SLC18A2: variants seen among roughly 807,000 people sequenced by gnomAD.
The protein encoded by SLC18A2 is solute carrier family 18 member A2.
A neutral mutation model predicts 59.2 loss-of-function variants in SLC18A2; 33 were observed. The ratio of observed to expected loss-of-function variants is 0.56; its 90% CI spans 0.42 to 0.75. The LOEUF is 0.75. Among genes scored for constraint, SLC18A2 ranks in the 30% least tolerant of loss-of-function variants. The pLI, the probability that SLC18A2 is intolerant of heterozygous loss-of-function variation, is 0.00. For missense variants in SLC18A2, 569 were observed against 668.6 expected, an observed-to-expected ratio of 0.85 and a Z score of 1.64; for synonymous variants, 228 against 253.5, an observed-to-expected ratio of 0.90 and a Z score of 0.95.
intron 6 of SLC18A2, 98 bp downstream of exon 6, chr10:117,254,595 G>T (rs1844204833): frequency 1.5e-6 from 1 of 661,266 alleles, no homozygotes; most frequent in Admixed American, 3.1e-5. Flanking sequence ...AGTTTGCACT[G>T]ACACAGAGGT....
intron 3 of SLC18A2, among the ~76,000 whole-genome samples, chr10:117,246,430 C>T (rs893139483): frequency 3.9e-5 from 6 of 152,300 alleles, no homozygotes; most frequent in Admixed American, 3.3e-4. Context: ...TTAAATACTC[C>T]AACGGCTTTG....
intron 4 of SLC18A2, 131 bp from the exon 5 acceptor site, chr10:117,253,917 G>T: frequency 2.6e-6 from 2 of 784,262 alleles, no homozygotes; most frequent in Non-Finnish European, 4.2e-6. Flanking sequence ...AGCTTTTTAC[G>T]GAACAAAAGC....
At chr10:117,265,050 C>G (rs1425532539) in intron 10 of SLC18A2, among the ~76,000 whole-genome samples, 1 of 152,182 alleles carries the variant, frequency 6.6e-6, no homozygotes, top group Non-Finnish European at 1.5e-5. Context: ...GTGCTGGGCA[C>G]GTGGCTGTCA....
intron 3 of SLC18A2, among the ~76,000 whole-genome samples, chr10:117,249,320 C>G (rs796636397): frequency 6.6e-6 from 1 of 152,228 alleles, no homozygotes; most frequent in African/African-American, 2.4e-5. Flanking sequence ...ACAGGGCTCA[C>G]GCCCAGGAAA....
chr10:117,247,169 C>G (rs1844118387), intron 3 of SLC18A2, among the ~76,000 whole-genome samples: 1 of 152,188 alleles, frequency 6.6e-6, no homozygotes, highest in African/African-American at 2.4e-5. Flanking sequence ...TGCAAACAGT[C>G]TTTTGATGTA....
chr10:117,255,212 A>G (rs1844214574), intron 6 of SLC18A2, 65 bp from the exon 7 acceptor site: 3 of 1,408,630 alleles, frequency 2.1e-6, no homozygotes, highest in African/African-American at 1.4e-5. Flanking sequence ...AGTCAAATAG[A>G]TGGTTCTAGT....
At chr10:117,272,977 G>A (rs363231) in intron 15 of SLC18A2, among the ~76,000 whole-genome samples, 5,954 of 152,292 alleles carry the variant, frequency 0.039, 162 homozygotes, top group South Asian at 0.082. Flanking sequence ...AAGTGCTGGC[G>A]TTCAGGATGA....
At position 117,269,033 on chromosome 10, in the gene SLC18A2, C is replaced by T. The variant is rs980554620; in HGVS notation, c.1187-1038C>T. Among the ~76,000 whole-genome samples the T allele has an allele frequency of 6.7e-6, 1 of 148,818 alleles. No homozygotes were observed. Among genetic ancestry groups the T allele is most frequent in the Non-Finnish European group, 1.5e-5 (1 of 66,998 alleles). ...ACACACTGACACACGCATACACACACACATACACACATACACCCCCCACAT... is the reference window on the plus strand; with the variant it reads ...ACACACTGACACACGCATACACACATACATACACACATACACCCCCCACAT... On this transcript the variant is annotated intron_variant, in intron 13 of 15. Transcript: ENST00000644641. The surrounding 1 kb of genome is among the most constrained non-coding windows in gnomAD (Gnocchi z 5.1).
intron 3 of SLC18A2, among the ~76,000 whole-genome samples, chr10:117,244,578 T>A (rs937830501): frequency 3.3e-5 from 5 of 152,258 alleles, no homozygotes; most frequent in East Asian, 1.9e-4. Context: ...GTGGGAGGAC[T>A]TTGGCCTGTC....
At chr10:117,245,808 CA>C (rs1350114897) in intron 3 of SLC18A2, among the ~76,000 whole-genome samples, 1 of 152,028 alleles carries the variant, frequency 6.6e-6, no homozygotes, top group African/African-American at 2.4e-5. Context: ...GCCTTGGACA[CA>C]TGGAGCTTGA....
At chr10:117,252,897 C>T (rs1346607792) in intron 3 of SLC18A2, among the ~76,000 whole-genome samples, 1 of 152,170 alleles carries the variant, frequency 6.6e-6, no homozygotes, top group East Asian at 1.9e-4. Flanking sequence ...AAATTTTGCA[C>T]AGAAAATGAG....
At position 117,277,221 on chromosome 10, in the gene SLC18A2, C is replaced by A. The variant is rs766605868; in HGVS notation, c.1500C>A (p.Ile500=). Residue 500 remains isoleucine (I), a synonymous_variant, in exon 16 of 16, where the codon ATC becomes ATA. Coordinates refer to ENST00000644641, the MANE Select transcript of SLC18A2 (RefSeq NM_003054.6). ...IKTKMYTQNN[I]QSYPIGEDEE... is the part of the protein sequence containing the mutation. ...CAAAAATGTACACTCAGAATAATATCCAGTCATATCCGATAGGTGAAGATG... is the reference window on the plus strand; with the variant it reads ...CAAAAATGTACACTCAGAATAATATACAGTCATATCCGATAGGTGAAGATG... 8.1e-6 allele frequency: 13 copies of A among 1,611,450 alleles called. No homozygotes were observed. In the South Asian group the frequency reaches 1.4e-4, roughly 18 times the overall value.
chr10:117,271,209 T>C (rs1320081157), intron 15 of SLC18A2, among the ~76,000 whole-genome samples: 1 of 152,224 alleles, frequency 6.6e-6, no homozygotes, highest in Non-Finnish European at 1.5e-5. Context: ...TGCTGATAGG[T>C]ACTTGTCCAG....
At chr10:117,258,351 C>T (rs971443857) in intron 10 of SLC18A2, among the ~76,000 whole-genome samples, 1 of 152,196 alleles carries the variant, frequency 6.6e-6, no homozygotes, top group Non-Finnish European at 1.5e-5. Flanking sequence ...CTTTCTCCCT[C>T]CCCCAGCCCA....
chr10:117,248,158 G>A (rs1485747894), intron 3 of SLC18A2, among the ~76,000 whole-genome samples: 1 of 151,920 alleles, frequency 6.6e-6, no homozygotes, highest in African/African-American at 2.4e-5. Flanking sequence ...TAGAGATGGG[G>A]TTTCAGCATT....
At chr10:117,253,535 A>G (rs1409900336) in intron 4 of SLC18A2, 78 bp downstream of exon 4, 1 of 367,702 alleles carries the variant, frequency 2.7e-6, no homozygotes, top group Non-Finnish European at 5.2e-6. Context: ...GGAATTAACA[A>G]TACAACCTAA....
At chr10:117,270,489 G>A (rs1844412778) in intron 15 of SLC18A2, 26 bp downstream of exon 15, 1 of 1,610,398 alleles carries the variant, frequency 6.2e-7, no homozygotes, top group African/African-American at 1.3e-5. Flanking sequence ...GATGCAGTGA[G>A]CATTTCTTGA....
chr10:117,259,125 T>C (rs760376674), intron 10 of SLC18A2, among the ~76,000 whole-genome samples: 3 of 152,246 alleles, frequency 2.0e-5, no homozygotes, highest in Non-Finnish European at 4.4e-5. Context: ...CATTCAGCAC[T>C]GACATTATTG....
intron 3 of SLC18A2, among the ~76,000 whole-genome samples, chr10:117,246,248 C>A (rs888355420): frequency 6.6e-6 from 1 of 152,228 alleles, no homozygotes; most frequent in Non-Finnish European, 1.5e-5. Flanking sequence ...TGGAACGTTA[C>A]TAGCCGTACA....
Sources: allele counts gnomAD v4.1 joint callset (sites outside exome capture counted in the v4.1 genomes callset), GRCh38; gene constraint gnomAD v4.1.1; non-coding constraint Gnocchi (gnomAD v3.1); transcripts MANE v1.5; gene names NCBI Gene and HGNC (gene_info 2026-07-23, HGNC 2026-07-21).